PPME1: variants seen among roughly 807,000 people sequenced by gnomAD.
PPME1 encodes testicular secretory protein Li 39.
A neutral mutation model predicts 56.9 loss-of-function variants in PPME1; 17 were observed. The observed-to-expected ratio is 0.30, with a 90% confidence interval of 0.20 to 0.45. The LOEUF (loss-of-function observed/expected upper bound fraction) is 0.45. Ranked by LOEUF, PPME1 falls within the 20% of genes least tolerant of loss-of-function variation. The pLI, the probability that PPME1 is intolerant of heterozygous loss-of-function variation, is 1.00. For missense variants in PPME1, 357 were observed against 483.2 expected (o/e 0.74, Z 2.45); for synonymous variants, 122 against 156.2 (o/e 0.78, Z 1.63).
At chr11:74,236,742 TCC>T (rs1020147579) in intron 8 of PPME1, among the ~76,000 whole-genome samples, 8 of 152,114 alleles carry the variant, frequency 5.3e-5, no homozygotes, top group Non-Finnish European at 1.0e-4. Flanking sequence ...CCTATGTATT[TCC>T]CCTAGTCACA....
chr11:74,251,018 G>T lies in PPME1; in HGVS notation c.1074G>T (p.Lys358Asn). The part of the protein sequence containing the change: ...GHAVHEDAPD[K>N]VAEAVATFLI... ...CAGTCCATGAGGATGCCCCTGACAAGGTGAGTCTGGTGCTCAGTGACTGTA... is the reference window on the plus strand; with the variant it reads ...CAGTCCATGAGGATGCCCCTGACAATGTGAGTCTGGTGCTCAGTGACTGTA... Residue 358 changes from lysine (K) to asparagine (N), a missense_variant and splice_region_variant, in exon 12 of 14, where the codon AAG becomes AAT. Physicochemically the swap from Lys to Asn is moderately conservative, Grantham distance 94. Transcript: ENST00000328257. The T allele has an allele frequency of 6.3e-7, 1 of 1,591,104 alleles. No individual in the cohort carries two copies. The highest frequency in any genetic ancestry group is 8.6e-7 in the Non-Finnish European group (1 of 1,168,406).
At chr11:74,251,804 A>ACC (rs1859674076) in intron 13 of PPME1, 89 bp downstream of exon 13, 2 of 1,525,930 alleles carry the variant, frequency 1.3e-6, no homozygotes, top group South Asian at 1.1e-5. Flanking sequence ...TCTCTGCCTT[A>ACC]CCCCTGCCTG....
chr11:74,191,917 A>G (rs1857851155), intron 1 of PPME1, among the ~76,000 whole-genome samples: 1 of 152,214 alleles, frequency 6.6e-6, no homozygotes, highest in African/African-American at 2.4e-5. Flanking sequence ...GGCAATGCTG[A>G]GGGGAAATGG....
chr11:74,175,052 C>G (rs1857370693), intron 1 of PPME1, among the ~76,000 whole-genome samples: 1 of 152,200 alleles, frequency 6.6e-6, no homozygotes, highest in Non-Finnish European at 1.5e-5. Context: ...GCTACTCTGA[C>G]TAAAGTAGAT....
chr11:74,203,155 CT>C (rs1858219025), intron 1 of PPME1, among the ~76,000 whole-genome samples: 1 of 152,104 alleles, frequency 6.6e-6, no homozygotes, highest in South Asian at 2.1e-4. Context: ...CATTTCACTT[CT>C]GTGTGAGCAA....
intron 13 of PPME1, 91 bp downstream of exon 13, chr11:74,251,806 C>A: frequency 6.6e-7 from 1 of 1,518,804 alleles, no homozygotes; most frequent in Non-Finnish European, 9.1e-7. Context: ...TCTGCCTTAC[C>A]CCTGCCTGGT....
At chr11:74,241,698 T>C (rs1385135688) in intron 9 of PPME1, among the ~76,000 whole-genome samples, 2 of 152,234 alleles carry the variant, frequency 1.3e-5, no homozygotes, top group East Asian at 3.8e-4. Flanking sequence ...GTGTATGAAG[T>C]GATATCTGAT....
chr11:74,181,238 C>T (rs1423672061), intron 1 of PPME1, among the ~76,000 whole-genome samples: 11 of 150,550 alleles, frequency 7.3e-5, no homozygotes, highest in South Asian at 4.2e-4. Flanking sequence ...TTAGTAGAGA[C>T]GGGGTTTCAC....
chr11:74,204,298 A>G lies in PPME1; in HGVS notation c.196-55A>G, dbSNP rs1858262828. 2.2e-6 allele frequency: 3 copies of G among 1,376,832 alleles called. No individual in the cohort carries two copies. The East Asian group carries it at 7.1e-5, about 33-fold the overall frequency. 85.3% of individuals were successfully genotyped at this position (1,376,832 alleles called of 1,614,324 possible). The stretch of plus-strand genomic sequence containing the variant: ...TCTAGCGGTATTACTATGATTAAAT[A>G]ATGAAAAACTTTAGTGAGCAAAAAC... On this transcript the variant is annotated intron_variant, in intron 2 of 13. Transcript: ENST00000328257.
intron 1 of PPME1, among the ~76,000 whole-genome samples, chr11:74,189,266 C>T (rs1185855316): frequency 1.3e-5 from 2 of 152,152 alleles, no homozygotes; most frequent in East Asian, 3.9e-4. Context: ...AAATAGCATA[C>T]ATATGGTTCT....
intron 3 of PPME1, among the ~76,000 whole-genome samples, chr11:74,209,453 G>A (rs529689464): frequency 6.6e-6 from 1 of 152,190 alleles, no homozygotes; most frequent in East Asian, 1.9e-4. Context: ...TCCACATTAA[G>A]CATATTTTAG....
At chr11:74,181,895 C>A (rs1287400525) in intron 1 of PPME1, among the ~76,000 whole-genome samples, 2 of 152,242 alleles carry the variant, frequency 1.3e-5, no homozygotes, top group Non-Finnish European at 2.9e-5. Flanking sequence ...CTGAATGTGT[C>A]TGTGTTCTAA....
chr11:74,250,698 G>A, intron 11 of PPME1: 1 of 447,990 alleles, frequency 2.2e-6, no homozygotes, highest in Non-Finnish European at 4.0e-6. Flanking sequence ...GACAAGAACT[G>A]TTTCTTCTAT....
At chr11:74,203,862 A>T (rs1477441441) in intron 2 of PPME1, 41 bp downstream of exon 2, 2 of 1,412,416 alleles carry the variant, frequency 1.4e-6, no homozygotes, top group Non-Finnish European at 2.0e-6. Flanking sequence ...TGAGCTTATG[A>T]TGTTGTCTAA....
chr11:74,198,268 T>C (rs1349833425), intron 1 of PPME1, among the ~76,000 whole-genome samples: 1 of 152,180 alleles, frequency 6.6e-6, no homozygotes, highest in Non-Finnish European at 1.5e-5. Flanking sequence ...TTGCTTTTAA[T>C]TCCATTGCCA....
At chr11:74,219,031 C>T (rs959796962) in intron 3 of PPME1, among the ~76,000 whole-genome samples, 1 of 151,856 alleles carries the variant, frequency 6.6e-6, no homozygotes, top group Non-Finnish European at 1.5e-5. Context: ...CTCAACAACT[C>T]TATAGGAAAA....
At chr11:74,216,608 G>A (rs758591853) in intron 3 of PPME1, among the ~76,000 whole-genome samples, 3 of 151,764 alleles carry the variant, frequency 2.0e-5, no homozygotes, top group Non-Finnish European at 4.4e-5. Flanking sequence ...CAAACCAAAC[G>A]CAAAATTAGT....
At chr11:74,251,389 A>G in intron 12 of PPME1, 1 of 1,364,214 alleles carries the variant, frequency 7.3e-7, no homozygotes, top group Non-Finnish European at 9.4e-7. Context: ...AGAAAACACC[A>G]TTCTGTAACT....
chr11:74,244,267 A>T (rs545819876), intron 9 of PPME1, among the ~76,000 whole-genome samples: 17 of 152,116 alleles, frequency 1.1e-4, no homozygotes, highest in Non-Finnish European at 2.2e-4. Flanking sequence ...TCTGTTTTCA[A>T]TTCTTTGGAT....
Sources: gnomAD v4.1 joint callset for allele counts (sites outside exome capture counted in the v4.1 genomes callset) on GRCh38, gnomAD v4.1.1 for gene constraint, MANE v1.5 for transcripts, NCBI Gene and HGNC (gene_info 2026-07-23, HGNC 2026-07-21) for gene names.